The following GREB1 variants were observed in gnomAD, a reference collection of about 807,000 sequenced individuals.
GREB1 encodes the protein protein GREB1.
A neutral mutation model predicts 200.7 loss-of-function variants in GREB1; 106 were observed. The observed-to-expected ratio is 0.53, with a 90% CI of 0.45 to 0.62. The LOEUF (loss-of-function observed/expected upper bound fraction) is 0.62. Among genes scored for constraint, GREB1 ranks in the 20% least tolerant of loss-of-function variants. GREB1 has a pLI of 0.00. For missense variants in GREB1, 2,243 were observed against 2,556.8 expected, an observed-to-expected ratio of 0.88 and a Z score of 2.65; for synonymous variants, 1,132 against 1,092.4, an observed-to-expected ratio of 1.04 and a Z score of -0.72.
At chr2:11,502,219 CTT>C (rs1202858524) in intron 1 of GREB1, among the ~76,000 whole-genome samples, 3 of 128,990 alleles carry the variant, frequency 2.3e-5, no homozygotes, top group African/African-American at 2.9e-5. Context: ...GCCTGGCCCT[CTT>C]TTTTTTTTTT....
intron 1 of GREB1, among the ~76,000 whole-genome samples, chr2:11,484,989 G>A (rs886843542): frequency 1.2e-4 from 18 of 152,100 alleles, no homozygotes; most frequent in Non-Finnish European, 2.4e-4. Flanking sequence ...ACAGGCGCCC[G>A]CCACGGCGCC....
At chr2:11,630,755 A>G (rs377192657) in intron 26 of GREB1, among the ~76,000 whole-genome samples, 5 of 152,230 alleles carry the variant, frequency 3.3e-5, no homozygotes, top group Non-Finnish European at 7.3e-5. Flanking sequence ...TCTTTTGAAG[A>G]GGTCGTTCTG....
chr2:11,515,989 C>G (rs933004298), intron 1 of GREB1, among the ~76,000 whole-genome samples: 2 of 152,204 alleles, frequency 1.3e-5, no homozygotes, highest in African/African-American at 4.8e-5. Flanking sequence ...CATTAGAGCT[C>G]AGTGGCTTAT....
intron 1 of GREB1, among the ~76,000 whole-genome samples, chr2:11,509,170 G>A (rs1212715907): frequency 6.6e-6 from 1 of 151,936 alleles, no homozygotes; most frequent in Non-Finnish European, 1.5e-5. Flanking sequence ...CACCGCGCCC[G>A]GCCCCAGATT....
At chr2:11,600,397 T>G (rs1396125545) in intron 15 of GREB1, among the ~76,000 whole-genome samples, 1 of 152,194 alleles carries the variant, frequency 6.6e-6, no homozygotes, top group East Asian at 1.9e-4. Context: ...TAGAATTTAC[T>G]CTTTTACATC....
intron 2 of GREB1, among the ~76,000 whole-genome samples, chr2:11,560,277 C>G (rs1003612633): frequency 7.9e-5 from 12 of 152,198 alleles, no homozygotes; most frequent in Admixed American, 7.9e-4. Flanking sequence ...CAATCTCTTT[C>G]TACTACACAT....
intron 1 of GREB1, among the ~76,000 whole-genome samples, chr2:11,488,084 C>T (rs1672696814): frequency 6.6e-6 from 1 of 152,192 alleles, no homozygotes; most frequent in African/African-American, 2.4e-5. Flanking sequence ...GAAGCATATG[C>T]TCTGCCTGTC....
intron 1 of GREB1, among the ~76,000 whole-genome samples, chr2:11,550,228 A>G (rs142340611): frequency 0.012 from 1,795 of 152,294 alleles, 18 homozygotes; most frequent in Middle Eastern, 0.034. Context: ...AAAAATAATA[A>G]TAATAAATAA....
At chr2:11,603,628 G>A (rs1326158404) in intron 17 of GREB1, among the ~76,000 whole-genome samples, 2 of 152,226 alleles carry the variant, frequency 1.3e-5, no homozygotes, top group African/African-American at 4.8e-5. Context: ...CTTAGATACT[G>A]TTCGGTTCTG....
chr2:11,524,301 G>A (rs1400641719), intron 1 of GREB1, among the ~76,000 whole-genome samples: 1 of 152,192 alleles, frequency 6.6e-6, no homozygotes, highest in Non-Finnish European at 1.5e-5. Flanking sequence ...CAGGAGACAG[G>A]TTGTAATGCT....
intron 1 of GREB1, among the ~76,000 whole-genome samples, chr2:11,519,449 G>GTTTTTTTTTTTTTTT (rs70955804): frequency 1.3e-5 from 1 of 76,970 alleles, no homozygotes; most frequent in South Asian, 5.5e-4. Context: ...ACTTGTTTTG[G>GTTTTTTTTTTTTTTT]TTTTTTTTTT....
chr2:11,634,607 C>G (rs1040333292), intron 29 of GREB1, among the ~76,000 whole-genome samples: 1 of 152,194 alleles, frequency 6.6e-6, no homozygotes, highest in Non-Finnish European at 1.5e-5. Flanking sequence ...TTCATTCTCC[C>G]AATACATTGC....
At chr2:11,595,491 A>G (rs1267300788) in intron 12 of GREB1, 112 bp downstream of exon 12, 14 of 1,052,042 alleles carry the variant, frequency 1.3e-5, no homozygotes, top group Non-Finnish European at 2.0e-5. Context: ...GCTGGCCTCC[A>G]CTGCAGAGTG....
At position 11,523,538 on chromosome 2, in the gene GREB1, T is replaced by C. The variant is rs117696809; in HGVS notation, c.-158-32919T>C. Among the ~76,000 whole-genome samples, 4 of 152,308 alleles carry C rather than the reference T, an allele frequency of 2.6e-5. No individual in the cohort carries two copies. In the East Asian group the frequency reaches 7.7e-4, roughly 29 times the overall value. ...CGGCTTCTGTAACGTGTGTCTTTCC[T>C]TGGACGCAGTAAATGGGCATCCTGT... On this transcript the variant is annotated intron_variant, in intron 1 of 2. Coordinates refer to the GREB1 transcript ENST00000628795.
intron 1 of GREB1, among the ~76,000 whole-genome samples, chr2:11,520,004 G>A (rs1253453234): frequency 1.3e-5 from 2 of 152,206 alleles, no homozygotes; most frequent in East Asian, 3.9e-4. Flanking sequence ...CAGGCATGGT[G>A]CCTTGGGTTT....
chr2:11,627,468 G>A (rs1684562218), intron 25 of GREB1, among the ~76,000 whole-genome samples: 1 of 152,174 alleles, frequency 6.6e-6, no homozygotes, highest in Admixed American at 6.5e-5. Context: ...CATCCTCCAT[G>A]CTCAGTCTAG....
chr2:11,487,269 T>C (rs1672677873), intron 1 of GREB1, among the ~76,000 whole-genome samples: 1 of 152,176 alleles, frequency 6.6e-6, no homozygotes, highest in Admixed American at 6.5e-5. Flanking sequence ...GACAAAAATA[T>C]TGAATTTCAG....
Position 11,593,143 on chromosome 2 carries a change from G to A in GREB1, c.1696+17G>A, listed in dbSNP as rs1680903878. 2 of 1,526,198 alleles carry A rather than the reference G, an allele frequency of 1.3e-6. No individual in the cohort carries two copies. Among genetic ancestry groups the A allele is most frequent in the African/African-American group, 2.8e-5 (2 of 71,814 alleles). The allele number at this position is 1,526,198 out of a possible 1,614,324, so 94.5% of individuals were successfully genotyped here. A position where few individuals can be genotyped will look rare whatever the true frequency, so the allele number is the denominator to read the frequency against. Reference sequence around the variant, plus strand: ...CCGTCACCGGTGAGCTCTGGGCCGCGCGGCTGCGGGAAAGCCCCCTGAACG... The same window carrying A: ...CCGTCACCGGTGAGCTCTGGGCCGCACGGCTGCGGGAAAGCCCCCTGAACG... On this transcript the variant is annotated intron_variant, in intron 11 of 32. Transcript: ENST00000381486.
At chr2:11,638,435 T>C (rs1419652156) in intron 31 of GREB1, among the ~76,000 whole-genome samples, 1 of 152,148 alleles carries the variant, frequency 6.6e-6, no homozygotes, top group African/African-American at 2.4e-5. Context: ...GCCACCGCAC[T>C]CGGCCTAAAT....
Sources: allele counts gnomAD v4.1 joint callset (sites outside exome capture counted in the v4.1 genomes callset), GRCh38; gene constraint gnomAD v4.1.1; transcripts MANE v1.5; gene names NCBI Gene and HGNC (gene_info 2026-07-23, HGNC 2026-07-21).